OR9Q1: variants seen among roughly 807,000 people sequenced by gnomAD.
OR9Q1 encodes the protein olfactory receptor family 9 subfamily Q member 1.
For missense variants in OR9Q1, 374 were observed against 378.8 expected (o/e 0.99, Z 0.11); for synonymous variants, 153 against 148.6 (o/e 1.03, Z -0.22).
At chr11:58,122,861 G>A (rs1257201197) in intron 2 of OR9Q1, among the ~76,000 whole-genome samples, 1 of 151,714 alleles carries the variant, frequency 6.6e-6, no homozygotes, top group African/African-American at 2.4e-5. Context: ...TAGTGGCTGT[G>A]GTGTGTTTTA....
chr11:58,031,186 T>C (rs911858939), intron 1 of OR9Q1: 1 of 1,614,048 alleles, frequency 6.2e-7, no homozygotes, highest in African/African-American at 1.3e-5. Flanking sequence ...ACACTTCTGT[T>C]ACAGTGCCCA....
chr11:58,027,571 A>T (rs1852987788), intron 1 of OR9Q1, among the ~76,000 whole-genome samples: 1 of 152,274 alleles, frequency 6.6e-6, no homozygotes, highest in East Asian at 1.9e-4. Context: ...TTTACAGAAA[A>T]TATTGGGTAA....
chr11:58,117,428 A>G (rs750675779), intron 2 of OR9Q1: 2 of 152,170 alleles, frequency 1.3e-5, no homozygotes, highest in Non-Finnish European at 2.9e-5. Flanking sequence ...TTTTACATTA[A>G]ACTATGTTTT....
At chr11:58,118,798 A>C in intron 2 of OR9Q1, 2 of 1,614,114 alleles carry the variant, frequency 1.2e-6, no homozygotes, top group South Asian at 2.2e-5. Flanking sequence ...CAGATAGGAA[A>C]TCAGGATGAC....
At chr11:58,156,464 G>A (rs554405013) in intron 2 of OR9Q1, among the ~76,000 whole-genome samples, 14 of 152,230 alleles carry the variant, frequency 9.2e-5, no homozygotes, top group African/African-American at 3.4e-4. Flanking sequence ...ATTAAAAGTC[G>A]ATGTGTAGGT....
chr11:58,138,752 T>A (rs576611794), intron 2 of OR9Q1, among the ~76,000 whole-genome samples: 1 of 152,362 alleles, frequency 6.6e-6, no homozygotes, highest in South Asian at 2.1e-4. Context: ...AACATATCTA[T>A]CACCTCACTT....
chr11:58,099,359 C>T (rs1003815283), intron 2 of OR9Q1, among the ~76,000 whole-genome samples: 3 of 149,390 alleles, frequency 2.0e-5, no homozygotes, highest in Non-Finnish European at 3.0e-5. Context: ...TATTTCTGTA[C>T]ATTATACCTT....
At position 58,123,851 on chromosome 11, in the gene OR9Q1, A is replaced by G. The variant is rs111371760; in HGVS notation, c.-14-55580A>G. On this transcript the variant is annotated intron_variant, in intron 2 of 2. Coordinates refer to ENST00000335397, the MANE Select transcript of OR9Q1 (RefSeq NM_001005212.4). ...CTGTGGGCATCAAGTATAAAGATTG[A>G]TGTTGGAGTTCTTTGTGGTCCATGT... Among the ~76,000 whole-genome samples, 1,149 of 152,294 alleles carry G rather than the reference A, an allele frequency of 7.5e-3. 13 individuals are homozygous for G. Among genetic ancestry groups the G allele is most frequent in the African/African-American group, 0.026 (1,073 of 41,560 alleles).
chr11:58,169,844 T>A (rs567119486), intron 2 of OR9Q1, among the ~76,000 whole-genome samples: 1 of 152,020 alleles, frequency 6.6e-6, no homozygotes, highest in East Asian at 1.9e-4. Context: ...AGAAAGCTGT[T>A]TTTTTTCTTT....
chr11:58,115,583 C>A (rs939548372), intron 2 of OR9Q1, among the ~76,000 whole-genome samples: 4 of 152,090 alleles, frequency 2.6e-5, no homozygotes, highest in Non-Finnish European at 5.9e-5. Flanking sequence ...CAGGGAAAAG[C>A]CATAACTGAG....
chr11:58,158,634 C>T (rs7130768), intron 2 of OR9Q1, among the ~76,000 whole-genome samples: 78,890 of 151,700 alleles, frequency 0.52, 21,014 homozygotes, highest in South Asian at 0.68. Context: ...AAATGGGAAC[C>T]TTATGACCAA....
At chr11:58,142,095 A>T (rs1049767592) in intron 2 of OR9Q1, among the ~76,000 whole-genome samples, 12 of 152,196 alleles carry the variant, frequency 7.9e-5, no homozygotes, top group African/African-American at 2.4e-4. Context: ...CTGAAATGTC[A>T]CCTTTTCAGT....
chr11:58,070,044 C>A (rs191492623), intron 2 of OR9Q1, among the ~76,000 whole-genome samples: 123 of 152,062 alleles, frequency 8.1e-4, no homozygotes, highest in Non-Finnish European at 1.5e-3. Flanking sequence ...CTCTGTCACC[C>A]AGGCTGGAGT....
At chr11:58,035,077 C>A (rs1853088164) in intron 1 of OR9Q1, among the ~76,000 whole-genome samples, 1 of 152,022 alleles carries the variant, frequency 6.6e-6, no homozygotes, top group South Asian at 2.1e-4. Flanking sequence ...CGATCTGCCA[C>A]CTTGGCCTCC....
intron 2 of OR9Q1, among the ~76,000 whole-genome samples, chr11:58,139,432 G>A (rs1218243281): frequency 1.3e-5 from 2 of 150,266 alleles, no homozygotes; most frequent in Non-Finnish European, 3.0e-5. Context: ...ATCCCTCCCC[G>A]CTCCCCCCAC....
At chr11:58,155,385 G>A (rs367918698) in intron 2 of OR9Q1, among the ~76,000 whole-genome samples, 3 of 152,224 alleles carry the variant, frequency 2.0e-5, no homozygotes, top group African/African-American at 7.2e-5. Flanking sequence ...GCACCGTAGC[G>A]CAGCCAAGTT....
At chr11:58,132,482 A>G (rs1185312073) in intron 2 of OR9Q1, among the ~76,000 whole-genome samples, 1 of 152,232 alleles carries the variant, frequency 6.6e-6, no homozygotes, top group East Asian at 1.9e-4. Flanking sequence ...TAAAGACTCA[A>G]TGAGTTAAAC....
intron 2 of OR9Q1, among the ~76,000 whole-genome samples, chr11:58,131,956 G>A (rs1854145485): frequency 2.6e-5 from 4 of 152,070 alleles, no homozygotes; most frequent in Admixed American, 1.3e-4. Context: ...ATTCTGGAAG[G>A]ATATTAATAG....
chr11:58,028,867 G>A (rs1853001970), intron 1 of OR9Q1, among the ~76,000 whole-genome samples: 1 of 152,206 alleles, frequency 6.6e-6, no homozygotes, highest in Non-Finnish European at 1.5e-5. Context: ...TTCATTGCCA[G>A]GAATTCTGAA....
Sources: allele counts gnomAD v4.1 joint callset (sites outside exome capture counted in the v4.1 genomes callset), GRCh38; gene constraint gnomAD v4.1.1; transcripts MANE v1.5; gene names NCBI Gene and HGNC (gene_info 2026-07-23, HGNC 2026-07-21).